Variants in ASB4 observed in about 807,000 individuals in gnomAD.
ASB4 encodes the protein ankyrin repeat and SOCS box protein 4.
In ASB4, 35 loss-of-function variants were observed where a neutral mutation model predicts 38.6. The ratio of observed to expected loss-of-function variants is 0.91; its 90% CI spans 0.69 to 1.20. The LOEUF is 1.20. Ranked by LOEUF, ASB4 falls within the 50% of genes most tolerant of loss-of-function variation. The pLI is 0.00. For missense variants in ASB4, 557 were observed against 527.2 expected (o/e 1.06, Z -0.55); for synonymous variants, 195 against 201.3 (o/e 0.97, Z 0.26).
intron 2 of ASB4, among the ~76,000 whole-genome samples, chr7:95,497,474 A>T (rs1004110437): frequency 6.6e-6 from 1 of 152,232 alleles, no homozygotes; most frequent in Non-Finnish European, 1.5e-5. Context: ...AAATAGGCAG[A>T]TAGTGATGCC....
intron 2 of ASB4, among the ~76,000 whole-genome samples, chr7:95,497,005 G>A (rs1057066426): frequency 3.3e-5 from 5 of 152,078 alleles, no homozygotes; most frequent in Non-Finnish European, 5.9e-5. Context: ...ACAGATAGAA[G>A]AGGGCTACTA....
chr7:95,502,698 C>T (rs935801172), intron 2 of ASB4, among the ~76,000 whole-genome samples: 132 of 152,264 alleles, frequency 8.7e-4, no homozygotes, highest in African/African-American at 3.1e-3. Flanking sequence ...TAAGAGTTTT[C>T]AGAATAATGC....
rs141159945 is a variant in ASB4 at position 95,516,595 on chromosome 7, G to A, written c.488-11218G>A. Among the ~76,000 whole-genome samples the A allele has an allele frequency of 1.5e-3, 228 of 152,284 alleles. 4 individuals carry two copies. The East Asian group carries it at 0.038, about 25-fold the overall frequency. On this transcript the variant is annotated intron_variant, in intron 2 of 4. Transcript: ENST00000325885. ...AAAAAGATTTGCTTCAGGAGACAGGGGAAATAGTTTGTGATATTTGCTTCC... is the reference window on the plus strand; with the variant it reads ...AAAAAGATTTGCTTCAGGAGACAGGAGAAATAGTTTGTGATATTTGCTTCC...
chr7:95,514,486 TA>T (rs2116621494), intron 2 of ASB4, among the ~76,000 whole-genome samples: 1 of 152,322 alleles, frequency 6.6e-6, no homozygotes, highest in Admixed American at 6.5e-5. Flanking sequence ...ATGTCCCTCT[TA>T]AACAAAATGG....
At chr7:95,533,523 A>G (rs937055454) in intron 3 of ASB4, among the ~76,000 whole-genome samples, 1 of 152,146 alleles carries the variant, frequency 6.6e-6, no homozygotes, top group Non-Finnish European at 1.5e-5. Context: ...TTCTAATTCA[A>G]TCTGCTGGTA....
chr7:95,480,834 A>G (rs1487675555), intron 1 of ASB4, among the ~76,000 whole-genome samples: 1 of 152,244 alleles, frequency 6.6e-6, no homozygotes, highest in Non-Finnish European at 1.5e-5. Flanking sequence ...TTTGCTATGC[A>G]GCAAAAGATA....
chr7:95,511,906 A>G (rs113445910), intron 2 of ASB4, among the ~76,000 whole-genome samples: 5,199 of 152,140 alleles, frequency 0.034, 110 homozygotes, highest in Middle Eastern at 0.075. Flanking sequence ...TTGCTACTTT[A>G]GAGTCCTGCC....
intron 2 of ASB4, among the ~76,000 whole-genome samples, chr7:95,515,198 T>TTTCC (rs1790545142): frequency 7.8e-6 from 1 of 128,574 alleles, no homozygotes. Flanking sequence ...TCTTTCTTTC[T>TTTCC]TTCTTTCTTT....
intron 3 of ASB4, 104 bp from the exon 4 acceptor site, chr7:95,536,333 T>C (rs1790888800): frequency 3.0e-6 from 2 of 668,324 alleles, no homozygotes; most frequent in South Asian, 3.9e-5. Context: ...TACAGGCACA[T>C]GCTACCATGC....
At chr7:95,476,493 C>G (rs1297238732), upstream of ASB4, among the ~76,000 whole-genome samples, 2 of 152,142 alleles carry the variant, frequency 1.3e-5, no homozygotes, top group Admixed American at 1.3e-4. Flanking sequence ...GAGGACAAGC[C>G]TAGCTCTTTT....
chr7:95,550,259 G>A, the ASB4 span, among the ~76,000 whole-genome samples: 1 of 152,126 alleles, frequency 6.6e-6, no homozygotes, highest in Non-Finnish European at 1.5e-5. Context: ...ACACTCCAGA[G>A]AGGAACTATG....
chr7:95,486,918 C>T (rs999118741), intron 1 of ASB4, among the ~76,000 whole-genome samples: 2 of 152,062 alleles, frequency 1.3e-5, no homozygotes, highest in African/African-American at 4.8e-5. Flanking sequence ...TCTGATTTCC[C>T]AAATCAACTG....
intron 2 of ASB4, among the ~76,000 whole-genome samples, chr7:95,518,024 T>C (rs574818729): frequency 1.3e-5 from 2 of 152,274 alleles, no homozygotes; most frequent in African/African-American, 2.4e-5. Context: ...GAGGAAGGTG[T>C]TGGTCTTAAA....
chr7:95,503,938 T>C (rs77405895), intron 2 of ASB4, among the ~76,000 whole-genome samples: 30,674 of 152,098 alleles, frequency 0.2, 3,345 homozygotes, highest in Middle Eastern at 0.33. Flanking sequence ...CTGGATTTTG[T>C]CTGTTATTTT....
At chr7:95,546,373 C>T in the ASB4 span, among the ~76,000 whole-genome samples, 3 of 152,140 alleles carry the variant, frequency 2.0e-5, no homozygotes, top group East Asian at 1.9e-4. Context: ...TTAATATGGG[C>T]CCTCTTTCAA....
At chr7:95,473,644 T>C (rs1789946118), upstream of ASB4, 1 of 151,776 alleles carries the variant, frequency 6.6e-6, no homozygotes. Flanking sequence ...AGATTCCTTT[T>C]TTTTTTTTTT....
At chr7:95,545,766 C>G in the ASB4 span, among the ~76,000 whole-genome samples, 5 of 152,144 alleles carry the variant, frequency 3.3e-5, no homozygotes, top group African/African-American at 1.2e-4. Flanking sequence ...GGTGAGAGAT[C>G]AGGACCAAGC....
chr7:95,472,226 C>G, the ASB4 span, among the ~76,000 whole-genome samples: 5 of 129,030 alleles, frequency 3.9e-5, no homozygotes, highest in Non-Finnish European at 8.5e-5. Flanking sequence ...ACATTCTTTC[C>G]CCAAAAATGT....
intron 1 of ASB4, among the ~76,000 whole-genome samples, chr7:95,486,543 C>T (rs540107574): frequency 6.6e-6 from 1 of 152,324 alleles, no homozygotes; most frequent in African/African-American, 2.4e-5. Context: ...TAAGAACACG[C>T]TGCTAATTCT....
Sources: gnomAD v4.1 joint callset for allele counts (sites outside exome capture counted in the v4.1 genomes callset) on GRCh38, gnomAD v4.1.1 for gene constraint, MANE v1.5 for transcripts, NCBI Gene and HGNC (gene_info 2026-07-23, HGNC 2026-07-21) for gene names.